The following TMEM117 variants were observed in gnomAD, a reference collection of about 807,000 sequenced individuals.
TMEM117 encodes transmembrane protein 117.
A neutral mutation model predicts 52.4 loss-of-function variants in TMEM117; 27 were observed. The ratio of observed to expected loss-of-function variants is 0.51; its 90% CI spans 0.38 to 0.71. The LOEUF (loss-of-function observed/expected upper bound fraction) is 0.71. Ranked by LOEUF, TMEM117 falls within the 30% of genes least tolerant of loss-of-function variation. The pLI is 0.00. For missense variants in TMEM117, 556 were observed against 630.5 expected (o/e 0.88, Z 1.26); for synonymous variants, 215 against 206.3 (o/e 1.04, Z -0.36).
chr12:44,148,153 A>G (rs1308424743), intron 4 of TMEM117, among the ~76,000 whole-genome samples: 2 of 152,236 alleles, frequency 1.3e-5, no homozygotes, highest in Non-Finnish European at 2.9e-5. Flanking sequence ...GATGTTGTAG[A>G]CACATAAAAC....
In TMEM117 at chr12:44,388,451, C is replaced by T; in HGVS notation, c.1324C>T (p.His442Tyr). 6.2e-7 allele frequency: 1 copy of T among 1,613,404 alleles called. No homozygotes were observed. The highest frequency in any genetic ancestry group is 8.5e-7 in the Non-Finnish European group (1 of 1,179,656). The part of the protein sequence containing the change: ...TRMKRKSPSE[H>Y]SKDMGITREN... ...CATGAAAAGAAAATCTCCATCAGAACATAGCAAAGACATGGGAATCACTCG... is the reference window on the plus strand; with the variant it reads ...CATGAAAAGAAAATCTCCATCAGAATATAGCAAAGACATGGGAATCACTCG... The change falls in exon 8 of 8, where the codon CAT (histidine) becomes TAT (tyrosine). Residue 442 changes from histidine (H) to tyrosine (Y), a missense_variant. Physicochemically the swap from His to Tyr is moderately conservative, Grantham distance 83. Coordinates refer to ENST00000266534, the MANE Select transcript of TMEM117 (RefSeq NM_032256.3).
chr12:44,228,490 A>G (rs1249427038), intron 5 of TMEM117, among the ~76,000 whole-genome samples: 1 of 152,172 alleles, frequency 6.6e-6, no homozygotes, highest in Non-Finnish European at 1.5e-5. Flanking sequence ...TGGTGGAGTT[A>G]TACAGACCTA....
At chr12:43,917,343 A>AGATT (rs1389812984) in intron 2 of TMEM117, among the ~76,000 whole-genome samples, 1 of 152,078 alleles carries the variant, frequency 6.6e-6, no homozygotes, top group African/African-American at 2.4e-5. Context: ...TGAGGCTGCA[A>AGATT]GATCTTGTCT....
rs568570525 is a variant in TMEM117, at chr12:43,837,432, C to T, written c.-29+1236C>T. On this transcript the variant is annotated intron_variant, in intron 1 of 7. Coordinates refer to ENST00000266534, the MANE Select transcript of TMEM117 (RefSeq NM_032256.3). ...ATGATTTCCAGCTCACTGCAACCTCCGCCTCCCGGGTTCAAGGGATTCTCC... is the reference window on the plus strand; with the variant it reads ...ATGATTTCCAGCTCACTGCAACCTCTGCCTCCCGGGTTCAAGGGATTCTCC... Among the ~76,000 whole-genome samples, 35 of 152,184 alleles carry T rather than the reference C, an allele frequency of 2.3e-4. No homozygotes were observed. The East Asian group carries it at 4.4e-3, about 19-fold the overall frequency.
intron 3 of TMEM117, among the ~76,000 whole-genome samples, chr12:44,022,900 G>T (rs893125757): frequency 6.6e-6 from 1 of 152,114 alleles, no homozygotes; most frequent in Non-Finnish European, 1.5e-5. Context: ...TTTCCAGACA[G>T]TGGATTACAT....
chr12:44,369,115 G>A (rs370841321), intron 6 of TMEM117, among the ~76,000 whole-genome samples: 1 of 152,148 alleles, frequency 6.6e-6, no homozygotes, highest in Non-Finnish European at 1.5e-5. Context: ...TTTGCCTAGT[G>A]AAGGAGTACT....
At chr12:44,022,079 G>T (rs558043104) in intron 3 of TMEM117, among the ~76,000 whole-genome samples, 1 of 152,294 alleles carries the variant, frequency 6.6e-6, no homozygotes, top group South Asian at 2.1e-4. Context: ...ATTAAAAATT[G>T]TTCCTTCATA....
chr12:44,180,839 A>G (rs1298274356), intron 4 of TMEM117, among the ~76,000 whole-genome samples: 1 of 151,978 alleles, frequency 6.6e-6, no homozygotes. Context: ...TTATAGCAGC[A>G]TGATTTATAG....
the TMEM117 span, chr12:43,805,879 C>G: frequency 2.8e-6 from 4 of 1,446,528 alleles, no homozygotes; most frequent in Non-Finnish European, 3.7e-6. Flanking sequence ...ACTGTCCCAG[C>G]TCTTCCCTAC....
At chr12:44,005,491 C>G (rs750684110) in intron 3 of TMEM117, among the ~76,000 whole-genome samples, 2 of 152,176 alleles carry the variant, frequency 1.3e-5, no homozygotes, top group Non-Finnish European at 2.9e-5. Flanking sequence ...TTCCATCCAG[C>G]CTTGCTCTGA....
rs186539540 is a variant in TMEM117, at chr12:44,216,066, G to A, written c.608+4679G>A. On this transcript the variant is annotated intron_variant, in intron 5 of 7. Coordinates refer to ENST00000266534, the MANE Select transcript of TMEM117 (RefSeq NM_032256.3). ...TCTGTCACCCAGGCTGGAGTACAGT[G>A]GCCCAATCTTGGCTCACTGCAACTT... is the stretch of plus-strand genomic sequence containing the variant. Among the ~76,000 whole-genome samples, 3 of 135,910 alleles carry A rather than the reference G, an allele frequency of 2.2e-5. No homozygotes were observed. The East Asian group carries it at 6.4e-4, about 29-fold the overall frequency. The allele number at this position is 135,910 out of a possible 152,430, so 89.2% of individuals were successfully genotyped here.
At chr12:43,877,489 G>C (rs557308085) in intron 2 of TMEM117, among the ~76,000 whole-genome samples, 1 of 152,000 alleles carries the variant, frequency 6.6e-6, no homozygotes, top group South Asian at 2.1e-4. Flanking sequence ...CAAAAAATTA[G>C]CTGGACATAG....
intron 5 of TMEM117, among the ~76,000 whole-genome samples, chr12:44,252,645 A>G (rs868553295): frequency 2.0e-5 from 3 of 152,236 alleles, no homozygotes; most frequent in Non-Finnish European, 4.4e-5. Context: ...TAAGTCTTAT[A>G]GAATAGTTGT....
At chr12:44,044,253 C>T (rs766294349) in intron 3 of TMEM117, among the ~76,000 whole-genome samples, 30 of 152,170 alleles carry the variant, frequency 2.0e-4, no homozygotes, top group Admixed American at 5.9e-4. Flanking sequence ...GAGCCTTTGG[C>T]AGGCCCCCAC....
At chr12:44,365,318 A>G (rs1259723510) in intron 6 of TMEM117, among the ~76,000 whole-genome samples, 1 of 151,966 alleles carries the variant, frequency 6.6e-6, no homozygotes, top group East Asian at 1.9e-4. Flanking sequence ...TTATTTCAAG[A>G]TCAGCTGCAA....
chr12:43,938,228 G>A (rs566695145), intron 2 of TMEM117, among the ~76,000 whole-genome samples: 1 of 147,508 alleles, frequency 6.8e-6, no homozygotes. Flanking sequence ...GGGCAACAAG[G>A]CTATATTATA....
intron 2 of TMEM117, among the ~76,000 whole-genome samples, chr12:43,860,442 A>G (rs1316540293): frequency 6.6e-6 from 1 of 152,208 alleles, no homozygotes; most frequent in Non-Finnish European, 1.5e-5. Context: ...AAATCATTAT[A>G]TATTATATCA....
chr12:44,380,108 A>G (rs1376712850), intron 7 of TMEM117, among the ~76,000 whole-genome samples: 1 of 152,224 alleles, frequency 6.6e-6, no homozygotes, highest in Non-Finnish European at 1.5e-5. Flanking sequence ...TTCTATAGTT[A>G]GAATTCCTCT....
intron 3 of TMEM117, among the ~76,000 whole-genome samples, chr12:44,030,918 TA>T (rs1331576786): frequency 6.6e-6 from 1 of 152,172 alleles, no homozygotes; most frequent in Non-Finnish European, 1.5e-5. Flanking sequence ...AATTTTGCAA[TA>T]AAAGCACAAC....
Sources: gnomAD v4.1 joint callset for allele counts (sites outside exome capture counted in the v4.1 genomes callset) on GRCh38, gnomAD v4.1.1 for gene constraint, MANE v1.5 for transcripts, NCBI Gene and HGNC (gene_info 2026-07-23, HGNC 2026-07-21) for gene names.